Variants in RTN4IP1 observed in about 807,000 individuals in gnomAD.
RTN4IP1 encodes NAD(P)H oxidoreductase RTN4IP1, mitochondrial.
RTN4IP1 carries 32 observed loss-of-function variants against 46.6 expected under a neutral mutation model. The ratio of observed to expected loss-of-function variants is 0.69; its 90% CI spans 0.52 to 0.92. The LOEUF (loss-of-function observed/expected upper bound fraction) is 0.92. RTN4IP1 is among the 40% of genes least tolerant of loss of function. RTN4IP1 has a pLI of 0.00. For missense variants in RTN4IP1, 424 were observed against 485.8 expected (o/e 0.87, Z 1.20); for synonymous variants, 167 against 161.8 (o/e 1.03, Z -0.24).
intron 4 of RTN4IP1, among the ~76,000 whole-genome samples, chr6:106,613,301 A>G (rs1001143752): frequency 1.3e-5 from 2 of 152,168 alleles, no homozygotes; most frequent in African/African-American, 4.8e-5. Context: ...ATTTCTTCCT[A>G]CCTCTCATTA....
chr6:106,610,954 T>G lies in RTN4IP1; in HGVS notation c.621-8032A>C, dbSNP rs142989318. Among the ~76,000 whole-genome samples, 144 of 152,306 alleles carry G rather than the reference T, an allele frequency of 9.5e-4. 2 individuals carry two copies. Among genetic ancestry groups the G allele is most frequent in the African/African-American group, 3.3e-3 (139 of 41,562 alleles). ...CTTCTTTTCCATGACTGAGTCACTT[T>G]TTATTTGGCATTTGGGCACCTAAGC... On this transcript the variant is annotated intron_variant, in intron 4 of 8. Coordinates refer to ENST00000369063, the MANE Select transcript of RTN4IP1 (RefSeq NM_032730.5).
intron 1 of RTN4IP1, among the ~76,000 whole-genome samples, chr6:106,626,424 C>T (rs971526108): frequency 6.6e-6 from 1 of 152,214 alleles, no homozygotes; most frequent in South Asian, 2.1e-4. Flanking sequence ...ATTCCTTTTC[C>T]ACTGCTAAAG....
At chr6:106,572,271 C>G (rs1775086650) in intron 8 of RTN4IP1, 168 bp from the exon 9 acceptor site, 6 of 606,124 alleles carry the variant, frequency 9.9e-6, no homozygotes, top group South Asian at 7.9e-5. Context: ...GCTGCCTCCA[C>G]TCCTGCCTCA....
chr6:106,619,766 T>A (rs1390718895), intron 3 of RTN4IP1, among the ~76,000 whole-genome samples: 2 of 149,330 alleles, frequency 1.3e-5, no homozygotes, highest in Admixed American at 6.6e-5. Flanking sequence ...CGCCCGCCAC[T>A]GCGCCCAGCT....
At position 106,629,437 on chromosome 6, in the gene RTN4IP1, C is replaced by G. The variant is rs772155620; in HGVS notation, c.-416G>C. On this transcript the variant is annotated 5_prime_UTR_variant, in exon 1 of 9. Transcript: ENST00000369063. ...GAATCGAACGCTTGCCGACTGCCGC[C>G]GCGACCCTGGCCCGGAATCTCCTTG... 3.4e-6 allele frequency: 2 copies of G among 596,776 alleles called. No homozygotes were observed. The highest frequency in any genetic ancestry group is 3.7e-5 in the African/African-American group (2 of 53,426). 37.0% of individuals were successfully genotyped at this position (596,776 alleles called of 1,614,324 possible).
intron 1 of RTN4IP1, among the ~76,000 whole-genome samples, chr6:106,623,571 T>C (rs1017348881): frequency 6.6e-6 from 1 of 152,184 alleles, no homozygotes; most frequent in Non-Finnish European, 1.5e-5. Context: ...TTATAATTTT[T>C]TGCCATTACA....
chr6:106,621,676 C>T (rs1338532311), intron 2 of RTN4IP1, among the ~76,000 whole-genome samples, 183 bp from the exon 3 acceptor site: 1 of 152,182 alleles, frequency 6.6e-6, no homozygotes, highest in African/African-American at 2.4e-5. Context: ...CTAGATTTAT[C>T]AAGTCAAACC....
upstream of RTN4IP1, chr6:106,629,518 C>G (rs1776758737): frequency 1.1e-6 from 1 of 948,630 alleles, no homozygotes. Flanking sequence ...CAATCGCCTA[C>G]AAAGATCATT....
chr6:106,609,205 G>A (rs1315535444), intron 4 of RTN4IP1, among the ~76,000 whole-genome samples: 1 of 152,188 alleles, frequency 6.6e-6, no homozygotes, highest in Admixed American at 6.5e-5. Context: ...ATTATGCCCT[G>A]CATTGGCCAC....
chr6:106,606,405 G>A (rs1404821114), intron 4 of RTN4IP1, among the ~76,000 whole-genome samples: 3 of 152,054 alleles, frequency 2.0e-5, no homozygotes, highest in African/African-American at 7.2e-5. Context: ...GGGTTACAGA[G>A]CAACACTCTG....
At chr6:106,617,026 C>G (rs1776373780) in intron 4 of RTN4IP1, among the ~76,000 whole-genome samples, 1 of 151,572 alleles carries the variant, frequency 6.6e-6, no homozygotes, top group South Asian at 2.1e-4. Flanking sequence ...AGAGAGAGAC[C>G]CCAGAGATAT....
At chr6:106,581,296 C>T (rs574232077) in intron 8 of RTN4IP1, among the ~76,000 whole-genome samples, 1 of 152,300 alleles carries the variant, frequency 6.6e-6, no homozygotes, top group East Asian at 1.9e-4. Context: ...CAAAAAACAA[C>T]TGTAGCTTTT....
intron 4 of RTN4IP1, chr6:106,607,818 A>T (rs925514388): frequency 1.2e-4 from 17 of 147,572 alleles, no homozygotes; most frequent in African/African-American, 4.4e-4. Context: ...TTCCATATAG[A>T]AAAAAGACAA....
chr6:106,609,044 C>T (rs572896066), intron 4 of RTN4IP1, among the ~76,000 whole-genome samples: 10 of 152,196 alleles, frequency 6.6e-5, no homozygotes, highest in Non-Finnish European at 1.3e-4. Context: ...CTCTAGAATG[C>T]TATAATTACC....
intron 1 of RTN4IP1, among the ~76,000 whole-genome samples, chr6:106,628,511 C>A (rs991209528): frequency 6.6e-6 from 1 of 151,792 alleles, no homozygotes; most frequent in Non-Finnish European, 1.5e-5. Flanking sequence ...CAAGTCTGAA[C>A]TTACATATTT....
At chr6:106,598,836 C>G (rs6934549) in intron 5 of RTN4IP1, among the ~76,000 whole-genome samples, 16 of 151,642 alleles carry the variant, frequency 1.1e-4, no homozygotes, top group African/African-American at 3.9e-4. Flanking sequence ...TTAGGTCTAA[C>G]GTTTAAATCT....
chr6:106,594,701 A>C (rs2114645037), intron 5 of RTN4IP1, among the ~76,000 whole-genome samples: 1 of 152,286 alleles, frequency 6.6e-6, no homozygotes, highest in African/African-American at 2.4e-5. Context: ...TGCATTTCAA[A>C]AAGTTTATCA....
chr6:106,608,948 A>G (rs920316426), intron 4 of RTN4IP1, among the ~76,000 whole-genome samples: 3 of 152,068 alleles, frequency 2.0e-5, no homozygotes, highest in African/African-American at 7.2e-5. Flanking sequence ...TCCTCTCACT[A>G]TTTCCTGAAT....
intron 7 of RTN4IP1, among the ~76,000 whole-genome samples, chr6:106,585,850 G>C (rs951365426): frequency 9.2e-5 from 14 of 152,350 alleles, no homozygotes; most frequent in Admixed American, 7.8e-4. Context: ...AGGTTAACTT[G>C]TAAGAGGTCT....
Sources: gnomAD v4.1 joint callset for allele counts (sites outside exome capture counted in the v4.1 genomes callset) on GRCh38, gnomAD v4.1.1 for gene constraint, MANE v1.5 for transcripts, NCBI Gene and HGNC (gene_info 2026-07-23, HGNC 2026-07-21) for gene names.